CREB5: variants seen among roughly 807,000 people sequenced by gnomAD.
CREB5 encodes the protein cyclic AMP-responsive element-binding protein 5.
A neutral mutation model predicts 57.1 loss-of-function variants in CREB5; 19 were observed. The observed-to-expected ratio is 0.33, with a 90% CI of 0.23 to 0.49. The LOEUF (loss-of-function observed/expected upper bound fraction) is 0.49, where lower values mean the gene tolerates loss of function less well. Ranked by LOEUF, CREB5 falls within the 20% of genes least tolerant of loss-of-function variation. The probability of loss-of-function intolerance (pLI) is 0.99; values close to 1 mark genes in which losing one functional copy is unlikely to be tolerated. For synonymous variants in CREB5, 238 were observed against 238.3 expected (o/e 1.00, Z 0.01); for missense variants, 579 against 671.6 (o/e 0.86, Z 1.52).
At chr7:28,500,370 G>A (rs1039024623) in intron 3 of CREB5, among the ~76,000 whole-genome samples, 31 of 152,200 alleles carry the variant, frequency 2.0e-4, no homozygotes, top group Non-Finnish European at 2.8e-4. Flanking sequence ...ACAAGCCCAC[G>A]TGTGGCACAG....
At chr7:28,556,317 T>C (rs768049062) in intron 4 of CREB5, among the ~76,000 whole-genome samples, 2 of 152,194 alleles carry the variant, frequency 1.3e-5, no homozygotes, top group Non-Finnish European at 2.9e-5. Flanking sequence ...TAGGAAGCTG[T>C]GGCCTTAAAG....
chr7:28,727,867 A>G (rs1803409511), intron 7 of CREB5, among the ~76,000 whole-genome samples: 1 of 152,170 alleles, frequency 6.6e-6, no homozygotes, highest in African/African-American at 2.4e-5. Flanking sequence ...CAGTAGGAAA[A>G]AGATATGTAC....
At chr7:28,719,572 T>A (rs1231181253) in intron 6 of CREB5, among the ~76,000 whole-genome samples, 2 of 152,194 alleles carry the variant, frequency 1.3e-5, no homozygotes, top group Non-Finnish European at 2.9e-5. Flanking sequence ...CACTCTCTCC[T>A]TTCCCTCTCA....
At position 28,545,382 on chromosome 7, in the gene CREB5, C is replaced by T. The variant is rs115315021; in HGVS notation, c.292-24983C>T. On this transcript the variant is annotated intron_variant, in intron 4 of 10. Coordinates refer to ENST00000357727, the MANE Select transcript of CREB5 (RefSeq NM_182898.4). ...TTTGTGTAAGTTACTTCATTGATTG[C>T]CTACTTATTGTGCAGGCAGTGCCTT... is the stretch of plus-strand genomic sequence containing the variant. Among the ~76,000 whole-genome samples the T allele has an allele frequency of 6.2e-3, 939 of 152,302 alleles. 3 individuals carry two copies. The highest frequency in any genetic ancestry group is 0.01 in the Non-Finnish European group (701 of 68,026).
At chr7:28,416,790 C>T (rs1055917141) in intron 1 of CREB5, among the ~76,000 whole-genome samples, 27 of 152,180 alleles carry the variant, frequency 1.8e-4, no homozygotes, top group African/African-American at 6.5e-4. Flanking sequence ...TCTGCATTTT[C>T]CTTCAGGTAG....
intron 4 of CREB5, among the ~76,000 whole-genome samples, chr7:28,561,596 T>C (rs1795273600): frequency 6.6e-6 from 1 of 152,250 alleles, no homozygotes; most frequent in Non-Finnish European, 1.5e-5. Flanking sequence ...ACAGAGAAGC[T>C]ATAAGCTTGC....
chr7:28,814,830 TA>T lies in CREB5; in HGVS notation c.1255-3240del, dbSNP rs1247309806. Among the ~76,000 whole-genome samples, 24 of 152,312 alleles carry T rather than the reference TA, an allele frequency of 1.6e-4. 1 individual carries two copies. Among genetic ancestry groups the T allele is most frequent in the Admixed American group, 1.4e-3 (21 of 15,302 alleles). On this transcript the variant is annotated intron_variant, in intron 9 of 10. Transcript: ENST00000357727. ...CATGAATTTCTATGGCTTATGTGGTTATTAGGCCTTTATTTAGTCCTTGCAG... is the reference window on the plus strand; with the variant it reads ...CATGAATTTCTATGGCTTATGTGGTTTTAGGCCTTTATTTAGTCCTTGCAG...
chr7:28,426,320 C>G (rs1256742979), intron 1 of CREB5, among the ~76,000 whole-genome samples: 1 of 152,214 alleles, frequency 6.6e-6, no homozygotes, highest in South Asian at 2.1e-4. Flanking sequence ...CCAGTTTTGT[C>G]TGGTCGCTGA....
chr7:28,714,800 T>C (rs561743063), intron 5 of CREB5, among the ~76,000 whole-genome samples: 1 of 152,362 alleles, frequency 6.6e-6, no homozygotes, highest in South Asian at 2.1e-4. Context: ...AGTTTAGTAA[T>C]TGAACAATCC....
At position 28,334,732 on chromosome 7, in the gene CREB5, G is replaced by A. The variant is rs111395020; in HGVS notation, c.-25+35291G>A. Among the ~76,000 whole-genome samples, 966 of 152,238 alleles carry A rather than the reference G, an allele frequency of 6.3e-3. 5 individuals are homozygous for A. The highest frequency in any genetic ancestry group is 0.022 in the African/African-American group (911 of 41,556). On this transcript the variant is annotated intron_variant, in intron 1 of 9. Coordinates refer to the CREB5 transcript ENST00000396299. ...CCCATTTGTCCATTTGTCCATGTTT[G>A]CTTTGGTTGCCAGTGCTTGTGGGGT...
chr7:28,555,548 T>A (rs547174836), intron 4 of CREB5, among the ~76,000 whole-genome samples: 114 of 152,336 alleles, frequency 7.5e-4, no homozygotes, highest in Middle Eastern at 6.8e-3. Context: ...GCAAACTATA[T>A]AGGTGTGAAA....
At chr7:28,609,493 A>T (rs1335841157) in intron 5 of CREB5, among the ~76,000 whole-genome samples, 1 of 152,232 alleles carries the variant, frequency 6.6e-6, no homozygotes, top group Non-Finnish European at 1.5e-5. Context: ...CCTGATGATA[A>T]AAGGTAGTTT....
chr7:28,380,339 G>T (rs1001527196), intron 1 of CREB5, among the ~76,000 whole-genome samples: 3 of 152,122 alleles, frequency 2.0e-5, no homozygotes, highest in Non-Finnish European at 4.4e-5. Flanking sequence ...CTTCGTGGAG[G>T]CTGCTCATCA....
chr7:28,754,604 C>T (rs531320896), intron 7 of CREB5, among the ~76,000 whole-genome samples: 6 of 152,146 alleles, frequency 3.9e-5, no homozygotes, highest in Non-Finnish European at 7.3e-5. Context: ...CATGTCAGTT[C>T]ATATTTTACC....
chr7:28,412,337 A>C (rs1787832737), upstream of CREB5, among the ~76,000 whole-genome samples: 1 of 152,166 alleles, frequency 6.6e-6, no homozygotes, highest in African/African-American at 2.4e-5. Flanking sequence ...TTTTTATTTA[A>C]ACAAACAATT....
intron 6 of CREB5, among the ~76,000 whole-genome samples, chr7:28,721,774 G>A (rs1007302231): frequency 2.0e-5 from 3 of 152,204 alleles, no homozygotes; most frequent in African/African-American, 7.2e-5. Context: ...CAAGGAGTTC[G>A]GTGGGTTGTG....
At chr7:28,632,936 T>G (rs1480760910) in intron 5 of CREB5, among the ~76,000 whole-genome samples, 1 of 152,230 alleles carries the variant, frequency 6.6e-6, no homozygotes, top group African/African-American at 2.4e-5. Flanking sequence ...CGCTAGTTTG[T>G]ATAATAGTGT....
At chr7:28,577,146 C>T (rs1271174991) in intron 5 of CREB5, among the ~76,000 whole-genome samples, 1 of 152,202 alleles carries the variant, frequency 6.6e-6, no homozygotes, top group Non-Finnish European at 1.5e-5. Context: ...GCTAAGCGCT[C>T]AGCTTCCCCA....
At position 28,804,313 on chromosome 7, in the gene CREB5, C is replaced by G; in HGVS notation, c.817C>G (p.His273Asp). The G allele has an allele frequency of 1.2e-6, 2 of 1,614,002 alleles. No individual in the cohort carries two copies. The highest frequency in any genetic ancestry group is 1.7e-6 in the Non-Finnish European group (2 of 1,179,952). Residue 273 changes from histidine (H) to aspartate (D), a missense_variant, in exon 8 of 11, where the codon CAC (histidine) becomes GAC (aspartate). Physicochemically the swap from His to Asp is moderately conservative, Grantham distance 81 (BLOSUM62 -1). This residue lies in a region of CREB5 where 459 missense variants were observed against 515.7 expected (regional missense o/e 0.89). Coordinates refer to ENST00000357727, the MANE Select transcript of CREB5 (RefSeq NM_182898.4). ...GSRQDQTPHH[H>D]MHSHPHQHQT... ...CCGGCAGGACCAGACGCCACACCAT[C>G]ACATGCACTCGCACCCGCATCAGCA... is the stretch of plus-strand genomic sequence containing the variant.
Sources: allele counts gnomAD v4.1 joint callset (sites outside exome capture counted in the v4.1 genomes callset), GRCh38; gene constraint gnomAD v4.1.1; regional missense constraint gnomAD v4.1.1; transcripts MANE v1.5; gene names NCBI Gene and HGNC (gene_info 2026-07-23, HGNC 2026-07-21).